Variants in ELF4 observed in about 807,000 individuals in gnomAD.
The protein encoded by ELF4 is ETS-related transcription factor Elf-4.
In ELF4, 10 loss-of-function variants were observed where a neutral mutation model predicts 31.7. The ratio of observed to expected loss-of-function variants is 0.32; its 90% CI spans 0.19 to 0.54. ELF4 has a LOEUF of 0.54. Among genes scored for constraint, ELF4 ranks in the 20% least tolerant of loss-of-function variants. The pLI, the probability that ELF4 is intolerant of heterozygous loss-of-function variation, is 0.95. For synonymous variants in ELF4, 208 were observed against 226.7 expected (o/e 0.92, Z 0.74); for missense variants, 418 against 522.0 (o/e 0.80, Z 1.94).
chrX:130,069,623 G>A lies in ELF4; in HGVS notation c.864C>T (p.Tyr288=). ...GGTCCTTGGGCATCTCCTTAAACTG[G>A]TACACCAGCCTCTGCCCTTCCACTT... ...LAKVEGQRLV[Y]QFKEMPKDLV... is the part of the protein sequence containing the mutation. The change falls in exon 8 of 9, where the codon TAC becomes TAT. Residue 288 remains tyrosine (Y), a synonymous_variant. Transcript: ENST00000308167. The A allele has an allele frequency of 8.3e-7, 1 of 1,211,945 alleles. No individual in the cohort carries two copies. The highest frequency in any genetic ancestry group is 1.1e-6 in the Non-Finnish European group (1 of 895,456).
At chrX:130,090,040 C>G (rs1933030168) in intron 1 of ELF4, among the ~76,000 whole-genome samples, 1 of 111,682 alleles carries the variant, frequency 9.0e-6, no homozygotes, top group African/African-American at 3.3e-5. Flanking sequence ...AGTTCAAGAC[C>G]AGCCTGGCCA....
At chrX:130,069,279 T>A (rs767078978) in intron 8 of ELF4, 21 bp downstream of exon 8, 3 of 1,210,055 alleles carry the variant, frequency 2.5e-6, no homozygotes, top group Non-Finnish European at 3.4e-6. Flanking sequence ...TGAAGACTCA[T>A]GCTGACCTGG....
chrX:130,075,071 C>G (rs910674928), intron 2 of ELF4, among the ~76,000 whole-genome samples: 1 of 109,578 alleles, frequency 9.1e-6, no homozygotes, highest in African/African-American at 3.3e-5. Context: ...CGGGTTCAAG[C>G]GATTCTCCTA....
chrX:130,093,533 C>T (rs1933095257), intron 1 of ELF4, among the ~76,000 whole-genome samples: 1 of 111,585 alleles, frequency 9.0e-6, no homozygotes, highest in Non-Finnish European at 1.9e-5. Flanking sequence ...AGCCGTAGGG[C>T]TGTGTGCCTG....
At chrX:130,067,559 C>T in intron 8 of ELF4, 34 bp from the exon 9 acceptor site, 1 of 1,180,778 alleles carries the variant, frequency 8.5e-7, no homozygotes, top group South Asian at 1.8e-5. Flanking sequence ...TTGGTTAAGG[C>T]AGGAAGTGTC....
chrX:130,095,411 C>T (rs1195503318), intron 1 of ELF4, among the ~76,000 whole-genome samples: 3 of 112,603 alleles, frequency 2.7e-5, no homozygotes, highest in Admixed American at 9.4e-5. Context: ...GGAGGCAGAA[C>T]TCAAACTGGG....
chrX:130,068,490 G>A (rs1004916797), intron 8 of ELF4, among the ~76,000 whole-genome samples: 1 of 111,731 alleles, frequency 9.0e-6, no homozygotes, highest in African/African-American at 3.3e-5. Context: ...TGCCCTCCTC[G>A]AAAGGGTGTC....
At chrX:130,109,578 G>C (rs920111209) in intron 1 of ELF4, among the ~76,000 whole-genome samples, 1 of 111,409 alleles carries the variant, frequency 9.0e-6, no homozygotes, top group African/African-American at 3.3e-5. Context: ...ACTCTGGTCA[G>C]GAAGGTGATG....
In ELF4 at chrX:130,065,611, A is replaced by G. The variant is rs958556638; in HGVS notation, c.*1110T>C. On this transcript the variant is annotated 3_prime_UTR_variant, in exon 9 of 9. Coordinates refer to ENST00000308167, the MANE Select transcript of ELF4 (RefSeq NM_001421.4). Reference sequence around the variant, plus strand: ...TTGAGCAGGAATGGGGGTGGACCCCATCTAGGTCGCTGCCGGACTAGCCGC... The same window carrying G: ...TTGAGCAGGAATGGGGGTGGACCCCGTCTAGGTCGCTGCCGGACTAGCCGC... 10 of 174,666 alleles carry G rather than the reference A, an allele frequency of 5.7e-5. No individual in the cohort carries two copies. Among genetic ancestry groups the G allele is most frequent in the Non-Finnish European group, 1.1e-4 (10 of 91,511 alleles). 14.4% of individuals were successfully genotyped at this position (174,666 alleles called of 1,213,427 possible).
chrX:130,105,748 G>A (rs1173032348), intron 1 of ELF4, among the ~76,000 whole-genome samples: 3 of 111,457 alleles, frequency 2.7e-5, no homozygotes, highest in Non-Finnish European at 5.7e-5. Flanking sequence ...GGGAAAAGGT[G>A]GGATCCAGCC....
chrX:130,099,318 A>G (rs182794424), intron 1 of ELF4, among the ~76,000 whole-genome samples: 2 of 112,255 alleles, frequency 1.8e-5, no homozygotes, highest in East Asian at 5.7e-4. Context: ...TCACGCCTGT[A>G]ATCCCAACAC....
chrX:130,101,542 C>T (rs973972514), intron 1 of ELF4, among the ~76,000 whole-genome samples: 2 of 111,579 alleles, frequency 1.8e-5, no homozygotes, highest in African/African-American at 6.5e-5. Flanking sequence ...CCTGTAATCC[C>T]AGCACTTTGG....
At chrX:130,092,878 T>G (rs750077351) in intron 1 of ELF4, among the ~76,000 whole-genome samples, 1 of 110,752 alleles carries the variant, frequency 9.0e-6, no homozygotes, top group East Asian at 2.8e-4. Flanking sequence ...TACTTGGGGA[T>G]TGGTTCCAGG....
In ELF4 at chrX:130,102,931, G is replaced by A. The variant is rs867190140; in HGVS notation, c.-210+7394C>T. On this transcript the variant is annotated intron_variant, in intron 1 of 8. Transcript: ENST00000308167. ...GAAAGAAAGAAAGAAAGAGAGAGAA[G>A]GAGGGAGGGAGGAAGGAAGGAAGGG... 8.1e-3 allele frequency among the ~76,000 whole-genome samples: 722 copies of A among 88,975 alleles called. 23 individuals carry two copies. The highest frequency in any genetic ancestry group is 0.032 in the African/African-American group (620 of 19,195). The allele number at this position is 88,975 out of a possible 115,157, so 77.3% of individuals were successfully genotyped here. A position where few individuals can be genotyped will look rare whatever the true frequency, so the allele number is the denominator to read the frequency against.
chrX:130,108,434 G>A (rs1298526097), intron 1 of ELF4, among the ~76,000 whole-genome samples: 1 of 111,842 alleles, frequency 8.9e-6, no homozygotes, highest in Non-Finnish European at 1.9e-5. Flanking sequence ...GAAGAGCAGA[G>A]GTTTCCCCAG....
chrX:130,075,299 C>A (rs1195568188), intron 2 of ELF4, among the ~76,000 whole-genome samples: 1 of 84,811 alleles, frequency 1.2e-5, no homozygotes, highest in Non-Finnish European at 2.2e-5. Flanking sequence ...TTTTTTGAGA[C>A]GGAGTCTCAC....
chrX:130,081,011 T>C (rs897695703), intron 2 of ELF4, among the ~76,000 whole-genome samples: 4 of 112,784 alleles, frequency 3.5e-5, no homozygotes, highest in African/African-American at 1.3e-4. Context: ...GGCTCAATGA[T>C]TGCATGTGGG....
In ELF4 at chrX:130,067,183, T is replaced by C; in HGVS notation, c.1530A>G (p.Ala510=). 1 of 1,207,891 alleles carries C rather than the reference T, an allele frequency of 8.3e-7. No individual in the cohort carries two copies. The highest frequency in any genetic ancestry group is 1.1e-6 in the Non-Finnish European group (1 of 892,999). ...APPTVTGAGP[A]GPSSQPPGTV... is the part of the protein sequence containing the mutation. ...TCCCAGGGGGCTGAGAGCTGGGCCCTGCTGGTCCAGCCCCTGTGACCGTGG... is the reference window on the plus strand; with the variant it reads ...TCCCAGGGGGCTGAGAGCTGGGCCCCGCTGGTCCAGCCCCTGTGACCGTGG... The change falls in exon 9 of 9, where the codon GCA becomes GCG. Residue 510 remains alanine (A), a synonymous_variant. Coordinates refer to ENST00000308167, the MANE Select transcript of ELF4 (RefSeq NM_001421.4).
intron 3 of ELF4, 27 bp from the exon 4 acceptor site, chrX:130,074,168 G>A: frequency 2.5e-6 from 3 of 1,198,543 alleles, no homozygotes; most frequent in Non-Finnish European, 3.4e-6. Flanking sequence ...GGTGGGAGGA[G>A]AGAAGAAAAG....
Sources: allele counts gnomAD v4.1 joint callset (sites outside exome capture counted in the v4.1 genomes callset), GRCh38; gene constraint gnomAD v4.1.1; transcripts MANE v1.5; gene names NCBI Gene and HGNC (gene_info 2026-07-23, HGNC 2026-07-21).